The following PPM1H variants were observed in gnomAD, a reference collection of about 807,000 sequenced individuals.
The protein encoded by PPM1H is protein phosphatase 1H.
In PPM1H, 27 loss-of-function variants were observed where a neutral mutation model predicts 54.9. The ratio of observed to expected loss-of-function variants is 0.49; its 90% CI spans 0.36 to 0.68. The LOEUF is 0.68. PPM1H is among the 30% of genes least tolerant of loss of function. The pLI, the probability that PPM1H is intolerant of heterozygous loss-of-function variation, is 0.00. For synonymous variants in PPM1H, 305 were observed against 270.8 expected (o/e 1.13, Z -1.24); for missense variants, 596 against 667.8 (o/e 0.89, Z 1.19).
intron 4 of PPM1H, among the ~76,000 whole-genome samples, chr12:62,766,825 G>GGATA (rs1474238726): frequency 6.6e-6 from 1 of 152,180 alleles, no homozygotes; most frequent in East Asian, 1.9e-4. Context: ...GCTTTACCAG[G>GGATA]GATAGATTTG....
intron 1 of PPM1H, among the ~76,000 whole-genome samples, chr12:62,855,417 G>A (rs1431173517): frequency 6.6e-6 from 1 of 152,166 alleles, no homozygotes; most frequent in Non-Finnish European, 1.5e-5. Flanking sequence ...AGAACCCAGA[G>A]AGGATTATCT....
At chr12:62,815,392 GCAATTTAGAC>G (rs1479485099) in intron 2 of PPM1H, among the ~76,000 whole-genome samples, 1 of 152,056 alleles carries the variant, frequency 6.6e-6, no homozygotes, top group Non-Finnish European at 1.5e-5. Context: ...TTTTTAAATG[GCAATTTAGAC>G]CTGTCTTAAA....
intron 5 of PPM1H, among the ~76,000 whole-genome samples, chr12:62,729,010 C>T (rs190472166): frequency 1.6e-4 from 25 of 152,272 alleles, no homozygotes; most frequent in Admixed American, 5.9e-4. Context: ...AGGAGACTGT[C>T]CCAGGGCTTG....
chr12:62,751,931 T>C (rs2076444490), intron 4 of PPM1H, among the ~76,000 whole-genome samples: 1 of 152,232 alleles, frequency 6.6e-6, no homozygotes. Flanking sequence ...ACACCAGCCC[T>C]ACCTGTAAGG....
chr12:62,793,462 C>G (rs1400094856), intron 3 of PPM1H, among the ~76,000 whole-genome samples: 1 of 151,956 alleles, frequency 6.6e-6, no homozygotes, highest in East Asian at 1.9e-4. Flanking sequence ...CGGTGGCTCA[C>G]GCCTGTAATC....
At chr12:62,712,398 G>A (rs2076212387) in intron 6 of PPM1H, among the ~76,000 whole-genome samples, 1 of 152,138 alleles carries the variant, frequency 6.6e-6, no homozygotes, top group African/African-American at 2.4e-5. Context: ...GTTTCACTAG[G>A]GAAAGGCCTG....
intron 3 of PPM1H, among the ~76,000 whole-genome samples, chr12:62,798,211 T>C (rs913655591): frequency 1.3e-5 from 2 of 152,016 alleles, no homozygotes; most frequent in Non-Finnish European, 2.9e-5. Context: ...AGGGGAAAAG[T>C]GGGCCGGAGG....
intron 1 of PPM1H, among the ~76,000 whole-genome samples, 178 bp from the exon 2 acceptor site, chr12:62,832,457 G>A (rs145613379): frequency 4.4e-4 from 67 of 152,284 alleles, no homozygotes; most frequent in Admixed American, 3.8e-3. Context: ...ATTTTTTAAT[G>A]GCATTATGTT....
chr12:62,737,385 A>C (rs898843376), intron 5 of PPM1H, 117 bp downstream of exon 5: 2 of 616,186 alleles, frequency 3.2e-6, no homozygotes, highest in Non-Finnish European at 5.5e-6. Context: ...AGTTAATACC[A>C]TATGTCATTT....
rs150622362 is a variant in PPM1H, at chr12:62,879,617, C to T, written c.246-47338G>A. 4.0e-3 allele frequency among the ~76,000 whole-genome samples: 614 copies of T among 151,862 alleles called. 4 individuals carry two copies. Among genetic ancestry groups the T allele is most frequent in the South Asian group, 0.011 (51 of 4,800 alleles). On this transcript the variant is annotated intron_variant, in intron 1 of 9. Transcript: ENST00000228705. ...TCCCACACTGGGGCCTGTTGGGGTA[C>T]GGGAGGTTGGGGGAGGGATAGCGTT...
At chr12:62,842,304 C>T (rs1463886674) in intron 1 of PPM1H, among the ~76,000 whole-genome samples, 5 of 152,020 alleles carry the variant, frequency 3.3e-5, no homozygotes, top group Non-Finnish European at 1.5e-5. Context: ...TGTATCAGTA[C>T]TATCGGCAAT....
intron 1 of PPM1H, among the ~76,000 whole-genome samples, chr12:62,913,693 G>A (rs1055839907): frequency 2.6e-5 from 4 of 152,040 alleles, no homozygotes; most frequent in Non-Finnish European, 5.9e-5. Context: ...TCAATATACT[G>A]GTTTTTTGGG....
chr12:62,823,139 A>G (rs960214443), intron 2 of PPM1H, among the ~76,000 whole-genome samples: 5 of 152,206 alleles, frequency 3.3e-5, no homozygotes, highest in Non-Finnish European at 7.3e-5. Context: ...AAACTAGAAA[A>G]TATAGAAAAA....
At chr12:62,838,876 G>C (rs1010763546) in intron 1 of PPM1H, among the ~76,000 whole-genome samples, 10 of 86,110 alleles carry the variant, frequency 1.2e-4, no homozygotes, top group Admixed American at 5.2e-4. Flanking sequence ...AGCCGAGATC[G>C]CGCCACTGCA....
intron 1 of PPM1H, among the ~76,000 whole-genome samples, chr12:62,876,382 G>C (rs908588460): frequency 4.0e-5 from 6 of 151,884 alleles, no homozygotes; most frequent in African/African-American, 1.2e-4. Context: ...GAAGATGAAG[G>C]TGGAGATCCA....
intron 1 of PPM1H, among the ~76,000 whole-genome samples, chr12:62,883,729 G>A (rs1388351783): frequency 1.3e-5 from 2 of 152,096 alleles, no homozygotes; most frequent in Non-Finnish European, 2.9e-5. Flanking sequence ...ATGCACTGAG[G>A]ATAGAGTCAA....
intron 1 of PPM1H, among the ~76,000 whole-genome samples, chr12:62,834,994 C>A (rs1198039833): frequency 6.6e-6 from 1 of 152,160 alleles, no homozygotes; most frequent in African/African-American, 2.4e-5. Flanking sequence ...TCCCTCCATA[C>A]TGTCATCCGT....
intron 1 of PPM1H, among the ~76,000 whole-genome samples, chr12:62,842,102 T>A (rs1326507113): frequency 3.3e-5 from 5 of 152,180 alleles, no homozygotes. Context: ...TGGAGCCAAC[T>A]GAAATCAAAA....
intron 8 of PPM1H, among the ~76,000 whole-genome samples, chr12:62,680,752 T>C (rs887747582): frequency 1.3e-5 from 2 of 152,112 alleles, no homozygotes; most frequent in South Asian, 2.1e-4. Context: ...AACAGAACTA[T>C]GAAAGAGAAT....
Sources: gnomAD v4.1 joint callset for allele counts (sites outside exome capture counted in the v4.1 genomes callset) on GRCh38, gnomAD v4.1.1 for gene constraint, MANE v1.5 for transcripts, NCBI Gene and HGNC (gene_info 2026-07-23, HGNC 2026-07-21) for gene names.